The following DAB1 variants were observed in gnomAD, a reference collection of about 807,000 sequenced individuals.
DAB1 encodes the protein disabled homolog 1.
Under a neutral mutation model 64.6 loss-of-function variants are expected in DAB1, and 15 were observed. That is an observed-to-expected ratio of 0.23 (90% CI 0.16 to 0.36). DAB1 has a LOEUF of 0.36. Ranked by LOEUF, DAB1 falls within the 10% of genes least tolerant of loss-of-function variation. DAB1 has a pLI of 1.00. For missense variants in DAB1, 596 were observed against 706.7 expected (o/e 0.84, Z 1.78); for synonymous variants, 235 against 251.9 (o/e 0.93, Z 0.64).
chr1:57,820,050 C>T (rs764190943), intron 6 of DAB1, among the ~76,000 whole-genome samples: 10 of 152,148 alleles, frequency 6.6e-5, no homozygotes, highest in Admixed American at 1.3e-4. Context: ...TCAGAGCAGC[C>T]GTGCAAAGTA....
chr1:57,972,745 GC>G (rs1300889518), intron 5 of DAB1, among the ~76,000 whole-genome samples: 3 of 152,234 alleles, frequency 2.0e-5, no homozygotes, highest in Non-Finnish European at 4.4e-5. Context: ...TTTCTGAGCA[GC>G]CAAGTCACTG....
chr1:58,122,586 G>A (rs1001947740), intron 5 of DAB1, among the ~76,000 whole-genome samples: 2 of 145,272 alleles, frequency 1.4e-5, no homozygotes, highest in East Asian at 4.2e-4. Flanking sequence ...TCACAACTGG[G>A]TTATTTGTTG....
At chr1:57,296,282 C>G (rs1171124286) in intron 1 of DAB1, among the ~76,000 whole-genome samples, 1 of 152,032 alleles carries the variant, frequency 6.6e-6, no homozygotes, top group African/African-American at 2.4e-5. Flanking sequence ...ATAAAATATG[C>G]ATGCATCTGT....
intron 1 of DAB1, among the ~76,000 whole-genome samples, chr1:57,322,011 C>T (rs1675764774): frequency 6.6e-6 from 1 of 152,164 alleles, no homozygotes; most frequent in Non-Finnish European, 1.5e-5. Context: ...AAAGTCTTTC[C>T]GATGTTGAGC....
At chr1:57,986,060 T>C (rs991223144) in intron 5 of DAB1, among the ~76,000 whole-genome samples, 4 of 152,176 alleles carry the variant, frequency 2.6e-5, no homozygotes, top group African/African-American at 9.7e-5. Context: ...AGGCATTCAA[T>C]ACCCTTCACA....
intron 7 of DAB1, among the ~76,000 whole-genome samples, chr1:57,520,193 G>A (rs1175103644): frequency 6.6e-6 from 1 of 152,190 alleles, no homozygotes; most frequent in African/African-American, 2.4e-5. Context: ...GGTGACTGGA[G>A]CATAACTGCT....
chr1:57,700,188 T>C (rs1646891378), intron 6 of DAB1, among the ~76,000 whole-genome samples: 1 of 152,198 alleles, frequency 6.6e-6, no homozygotes, highest in African/African-American at 2.4e-5. Flanking sequence ...GAGTTCAGAT[T>C]TTCTTTGTTT....
At chr1:57,009,850 C>T (rs1570485741) in intron 14 of DAB1, among the ~76,000 whole-genome samples, 3 of 152,318 alleles carry the variant, frequency 2.0e-5, no homozygotes, top group Middle Eastern at 3.4e-3. Context: ...GTGCCAAAAG[C>T]CACTTCTAGT....
At chr1:57,197,021 G>A (rs1033777567) in intron 2 of DAB1, among the ~76,000 whole-genome samples, 3 of 152,156 alleles carry the variant, frequency 2.0e-5, no homozygotes, top group Admixed American at 2.0e-4. Flanking sequence ...CTTTAGAGAT[G>A]AGGATACAGA....
chr1:58,093,355 A>G (rs1182349050), intron 5 of DAB1, among the ~76,000 whole-genome samples: 2 of 152,168 alleles, frequency 1.3e-5, no homozygotes, highest in Non-Finnish European at 2.9e-5. Context: ...GCCATGGATT[A>G]GTATTGGTCT....
At chr1:57,687,551 T>C (rs996917091) in intron 6 of DAB1, among the ~76,000 whole-genome samples, 10 of 113,920 alleles carry the variant, frequency 8.8e-5, no homozygotes, top group Non-Finnish European at 7.0e-5. Context: ...CTAAAACTCA[T>C]ATGTAACAAC....
intron 3 of DAB1, among the ~76,000 whole-genome samples, chr1:58,492,198 G>A (rs916856285): frequency 6.6e-6 from 1 of 152,096 alleles, no homozygotes; most frequent in Non-Finnish European, 1.5e-5. Flanking sequence ...CAGAAATAAA[G>A]ATGTTCTTTG....
intron 3 of DAB1, among the ~76,000 whole-genome samples, chr1:58,473,208 T>C (rs1483516819): frequency 6.6e-6 from 1 of 151,952 alleles, no homozygotes; most frequent in Non-Finnish European, 1.5e-5. Context: ...GAGGTCTGAG[T>C]CAAGTCACTC....
rs577923677 is a variant in DAB1 at position 57,281,556 on chromosome 1, G to A, written c.67+9408C>T. Among the ~76,000 whole-genome samples the A allele has an allele frequency of 5.9e-5, 9 of 152,220 alleles. No homozygotes were observed. The South Asian group carries it at 1.2e-3, about 21-fold the overall frequency. On this transcript the variant is annotated intron_variant, in intron 2 of 14. Transcript: ENST00000371236. Reference sequence around the variant, plus strand: ...GGAATGCGCCTGGACAGATAAGAAGGGGTCAGACCAGACAGCACCTCTCTG... The same window carrying A: ...GGAATGCGCCTGGACAGATAAGAAGAGGTCAGACCAGACAGCACCTCTCTG...
chr1:57,375,818 T>C (rs1016779037), intron 1 of DAB1, among the ~76,000 whole-genome samples: 2 of 152,234 alleles, frequency 1.3e-5, no homozygotes, highest in Admixed American at 6.5e-5. Flanking sequence ...ATACAGTGCC[T>C]GGCAAACAGT....
chr1:57,669,476 C>T (rs1218159759), intron 6 of DAB1, among the ~76,000 whole-genome samples: 1 of 152,100 alleles, frequency 6.6e-6, no homozygotes, highest in Non-Finnish European at 1.5e-5. Flanking sequence ...CCCCTGCCCG[C>T]CATGAAAATT....
chr1:57,305,670 GAAGAA>G (rs899127194), intron 1 of DAB1, among the ~76,000 whole-genome samples: 4 of 152,202 alleles, frequency 2.6e-5, no homozygotes, highest in African/African-American at 7.2e-5. Flanking sequence ...AGGGAGAAAT[GAAGAA>G]AAGAAAACAA....
chr1:58,479,810 AT>A (rs1645455558), intron 3 of DAB1, among the ~76,000 whole-genome samples: 1 of 152,174 alleles, frequency 6.6e-6, no homozygotes, highest in African/African-American at 2.4e-5. Context: ...GGTGAGAGAT[AT>A]TGGATATATT....
At chr1:57,033,309 C>G in intron 9 of DAB1, 1 of 1,481,952 alleles carries the variant, frequency 6.7e-7, no homozygotes, top group Non-Finnish European at 9.4e-7. Context: ...GCCATTCATG[C>G]AAGCTGGATG....
Sources: gnomAD v4.1 joint callset for allele counts (sites outside exome capture counted in the v4.1 genomes callset) on GRCh38, gnomAD v4.1.1 for gene constraint, MANE v1.5 for transcripts, NCBI Gene and HGNC (gene_info 2026-07-23, HGNC 2026-07-21) for gene names.